WDPCP: variants seen among roughly 807,000 people sequenced by gnomAD.
WDPCP encodes WD repeat containing planar cell polarity effector.
In WDPCP, 71 loss-of-function variants were observed where a neutral mutation model predicts 93.1. The ratio of observed to expected loss-of-function variants is 0.76; its 90% CI spans 0.63 to 0.93. The LOEUF (loss-of-function observed/expected upper bound fraction) is 0.93, where lower values mean the gene tolerates loss of function less well. WDPCP is among the 40% of genes least tolerant of loss of function. The pLI is 0.00. For synonymous variants in WDPCP, 315 were observed against 315.0 expected (o/e 1.00, Z 0.00); for missense variants, 844 against 887.4 (o/e 0.95, Z 0.62).
intron 1 of WDPCP, among the ~76,000 whole-genome samples, chr2:63,549,891 TAAGA>T (rs149075240): frequency 0.015 from 2,292 of 152,274 alleles, 22 homozygotes; most frequent in South Asian, 0.031. Context: ...CTCCAAATAG[TAAGA>T]AAGGGAGATG....
chr2:63,258,014 A>T (rs1295125871), intron 14 of WDPCP, among the ~76,000 whole-genome samples: 2 of 152,162 alleles, frequency 1.3e-5, no homozygotes, highest in Non-Finnish European at 2.9e-5. Context: ...TCCTATAAAC[A>T]TGGTATGCTT....
intron 15 of WDPCP, among the ~76,000 whole-genome samples, chr2:63,157,401 A>C (rs1672335991): frequency 1.3e-5 from 2 of 152,050 alleles, no homozygotes; most frequent in African/African-American, 4.8e-5. Context: ...AGCCTCAGAA[A>C]ATGAGCTGGG....
At chr2:63,712,252 C>A (rs1315033476) in intron 2 of WDPCP, among the ~76,000 whole-genome samples, 1 of 152,158 alleles carries the variant, frequency 6.6e-6, no homozygotes, top group Non-Finnish European at 1.5e-5. Flanking sequence ...TGGGCTTGGG[C>A]TCAGCTCATG....
intron 6 of WDPCP, among the ~76,000 whole-genome samples, chr2:63,462,591 T>C (rs1047369862): frequency 1.3e-5 from 2 of 151,072 alleles, no homozygotes; most frequent in African/African-American, 2.4e-5. Flanking sequence ...ATAGACAGAG[T>C]GGTTAGGAAG....
chr2:63,646,624 G>A (rs1031748692), intron 3 of WDPCP, among the ~76,000 whole-genome samples: 1 of 151,892 alleles, frequency 6.6e-6, no homozygotes, highest in African/African-American at 2.4e-5. Flanking sequence ...TTGTTCGCTT[G>A]GTAAAGTTTT....
chr2:63,594,532 T>C, intron 3 of WDPCP: 1 of 1,613,960 alleles, frequency 6.2e-7, no homozygotes, highest in South Asian at 1.1e-5. Flanking sequence ...CTGGTCAAAT[T>C]GCATATTCAC....
chr2:63,588,402 A>T lies in WDPCP; in HGVS notation c.-131T>A. The T allele has an allele frequency of 9.2e-7, 1 of 1,087,396 alleles. No homozygotes were observed. Among genetic ancestry groups the T allele is most frequent in the Non-Finnish European group, 1.4e-6 (1 of 724,296 alleles). The allele number at this position is 1,087,396 out of a possible 1,614,324, so 67.4% of individuals were successfully genotyped here. On this transcript the variant is annotated 5_prime_UTR_variant, in exon 1 of 18. In the 5' UTR this introduces an upstream ATG that the reference lacks. Coordinates refer to ENST00000272321, the MANE Select transcript of WDPCP (RefSeq NM_015910.7). ...CGCCACAGTTTCCTCAGGTGCTACA[A>T]AGCAGCCAGGGTGTGCGTGCGCTCC... is the stretch of plus-strand genomic sequence containing the variant.
At chr2:63,618,738 T>A (rs1202981775) in intron 3 of WDPCP, among the ~76,000 whole-genome samples, 1 of 151,454 alleles carries the variant, frequency 6.6e-6, no homozygotes, top group African/African-American at 2.4e-5. Context: ...TTGCCCAGGC[T>A]GGAGTGCAAT....
At chr2:63,565,652 G>T (rs189447039) in intron 1 of WDPCP, among the ~76,000 whole-genome samples, 1 of 152,074 alleles carries the variant, frequency 6.6e-6, no homozygotes, top group Non-Finnish European at 1.5e-5. Context: ...TAAAAAGCAA[G>T]CAGGAAATCA....
intron 1 of WDPCP, among the ~76,000 whole-genome samples, chr2:63,569,861 G>C (rs1256016406): frequency 6.6e-6 from 1 of 152,102 alleles, no homozygotes; most frequent in Non-Finnish European, 1.5e-5. Flanking sequence ...ATATAGCATT[G>C]AAAGTACCCC....
At chr2:63,603,509 C>G (rs964327102) in intron 3 of WDPCP, among the ~76,000 whole-genome samples, 3 of 152,124 alleles carry the variant, frequency 2.0e-5, no homozygotes, top group African/African-American at 7.2e-5. Context: ...AAATATTTTT[C>G]CACATTCCCT....
chr2:63,794,712 A>C (rs941228264), intron 2 of WDPCP, among the ~76,000 whole-genome samples: 5 of 152,150 alleles, frequency 3.3e-5, no homozygotes, highest in African/African-American at 7.2e-5. Flanking sequence ...CTTACTGTTT[A>C]AGCCACCACT....
chr2:63,604,236 T>C (rs1479789151), intron 3 of WDPCP, among the ~76,000 whole-genome samples: 1 of 152,244 alleles, frequency 6.6e-6, no homozygotes, highest in African/African-American at 2.4e-5. Context: ...AATTAATTTC[T>C]ATATGGTATA....
chr2:63,751,639 A>G (rs1669884659), intron 2 of WDPCP: 3 of 483,390 alleles, frequency 6.2e-6, no homozygotes, highest in Middle Eastern at 5.0e-4. Context: ...TGTAGCTTCC[A>G]TGTCCCTTCT....
intron 13 of WDPCP, among the ~76,000 whole-genome samples, chr2:63,276,673 A>C (rs1683112101): frequency 6.6e-6 from 1 of 152,206 alleles, no homozygotes; most frequent in South Asian, 2.1e-4. Flanking sequence ...AATCCATCAA[A>C]GACAAAGAAA....
At chr2:63,780,262 T>G (rs1383885966) in intron 2 of WDPCP, among the ~76,000 whole-genome samples, 1 of 152,186 alleles carries the variant, frequency 6.6e-6, no homozygotes, top group East Asian at 1.9e-4. Context: ...GAGTCCTGGG[T>G]ACAGTACCTG....
chr2:63,439,825 G>A lies in WDPCP; in HGVS notation c.431C>T (p.Pro144Leu), dbSNP rs769734014. Residue 144 changes from proline (P) to leucine (L), a missense_variant, in exon 7 of 18, where the codon CCG becomes CTG. Coordinates refer to ENST00000272321, the MANE Select transcript of WDPCP (RefSeq NM_015910.7). ...GVLVSLSLSG[P>L]QLEKVVIDRS... ...GTCAATCACCACTTTCTCCAGCTGC[G>A]GCCCAGAAAGGCTTAGAGACACCAG... 5.0e-6 allele frequency: 8 copies of A among 1,613,092 alleles called. No homozygotes were observed. Among genetic ancestry groups the A allele is most frequent in the Admixed American group, 3.3e-5 (2 of 59,910 alleles).
intron 14 of WDPCP, among the ~76,000 whole-genome samples, chr2:63,253,556 A>G (rs1465408549): frequency 2.0e-5 from 3 of 152,176 alleles, no homozygotes; most frequent in Non-Finnish European, 2.9e-5. Context: ...ATAAAAACAA[A>G]TAAGTCCATT....
chr2:63,623,145 T>A (rs767378192), intron 3 of WDPCP, among the ~76,000 whole-genome samples: 2 of 152,118 alleles, frequency 1.3e-5, no homozygotes, highest in Non-Finnish European at 2.9e-5. Context: ...GCTGAGAGAT[T>A]TTTTCACCAC....
Sources: gnomAD v4.1 joint callset for allele counts (sites outside exome capture counted in the v4.1 genomes callset) on GRCh38, gnomAD v4.1.1 for gene constraint, MANE v1.5 for transcripts, NCBI Gene and HGNC (gene_info 2026-07-23, HGNC 2026-07-21) for gene names.